SCIN: variants seen among roughly 807,000 people sequenced by gnomAD.
The protein encoded by SCIN is adseverin.
In SCIN, 91 loss-of-function variants were observed where a neutral mutation model predicts 91.8. That is an observed-to-expected ratio of 0.99 (90% CI 0.84 to 1.18). The LOEUF is 1.18. Among genes scored for constraint, SCIN ranks in the 50% most tolerant of loss-of-function variants. The pLI is 0.00. For missense variants in SCIN, 1,087 were observed against 863.9 expected (o/e 1.26, Z -3.24); for synonymous variants, 367 against 312.6 (o/e 1.17, Z -1.84).
chr7:12,572,271 C>A (rs1782286663), intron 1 of SCIN, among the ~76,000 whole-genome samples: 4 of 152,186 alleles, frequency 2.6e-5, no homozygotes, highest in African/African-American at 7.2e-5. Flanking sequence ...GAAGGCTCAG[C>A]CTGAGTTCTG....
intron 8 of SCIN, among the ~76,000 whole-genome samples, chr7:12,628,845 C>T (rs1024757259): frequency 6.6e-6 from 1 of 151,988 alleles, no homozygotes; most frequent in Non-Finnish European, 1.5e-5. Flanking sequence ...GTAGATGAAA[C>T]AATAAGTATT....
Position 12,655,439 on chromosome 7 carries a change from A to G in SCIN, c.*2724A>G, listed in dbSNP as rs1462969955. On this transcript the variant is annotated 3_prime_UTR_variant, in exon 16 of 16. Transcript: ENST00000297029. ...TCAATGAGTCAACAACCCAATGGAA[A>G]AATGGCCAAAAGACATGAATAGAAG... 2 of 152,212 alleles carry G rather than the reference A, an allele frequency of 1.3e-5. No individual in the cohort carries two copies. The highest frequency in any genetic ancestry group is 2.9e-5 in the Non-Finnish European group (2 of 68,026). 9.4% of individuals were successfully genotyped at this position (152,212 alleles called of 1,614,324 possible). A position where few individuals can be genotyped will look rare whatever the true frequency, so the allele number is the denominator to read the frequency against.
At position 12,640,394 on chromosome 7, in the gene SCIN, C is replaced by A. The variant is rs761481323; in HGVS notation, c.1458C>A (p.Phe486Leu). ...GKEPVHLLSL[F>L]KDKPLIIYKN... ...AGCCTGTTCACCTACTGAGTTTGTTCAAAGACAAACCGCTCATTATTTACA... is the reference window on the plus strand; with the variant it reads ...AGCCTGTTCACCTACTGAGTTTGTTAAAAGACAAACCGCTCATTATTTACA... Residue 486 changes from phenylalanine (F) to leucine (L), a missense_variant, in exon 11 of 16, where the codon TTC becomes TTA. Coordinates refer to ENST00000297029, the MANE Select transcript of SCIN (RefSeq NM_001112706.3). The A allele has an allele frequency of 1.2e-6, 2 of 1,612,956 alleles. No individual in the cohort carries two copies. Among genetic ancestry groups the A allele is most frequent in the South Asian group, 2.2e-5 (2 of 90,898 alleles).
chr7:12,598,195 G>A (rs904065961), intron 3 of SCIN, among the ~76,000 whole-genome samples: 1 of 152,064 alleles, frequency 6.6e-6, no homozygotes, highest in African/African-American at 2.4e-5. Context: ...GTAGTAATAG[G>A]TATTTACCTA....
intron 9 of SCIN, among the ~76,000 whole-genome samples, chr7:12,635,078 G>A (rs1449956898): frequency 1.3e-5 from 2 of 151,958 alleles, no homozygotes; most frequent in Admixed American, 6.6e-5. Flanking sequence ...GCTGAGGCAG[G>A]AGAATTGCTT....
At chr7:12,615,563 G>A (rs1783282025) in intron 4 of SCIN, among the ~76,000 whole-genome samples, 1 of 152,084 alleles carries the variant, frequency 6.6e-6, no homozygotes, top group South Asian at 2.1e-4. Context: ...TAATTACCCA[G>A]TATCAGGTAT....
At chr7:12,582,489 T>C (rs1394192190) in intron 3 of SCIN, among the ~76,000 whole-genome samples, 1 of 152,172 alleles carries the variant, frequency 6.6e-6, no homozygotes, top group Admixed American at 6.6e-5. Flanking sequence ...TTATACATAA[T>C]CCAACTGTCT....
At position 12,651,723 on chromosome 7, in the gene SCIN, C is replaced by T. The variant is rs1190535948; in HGVS notation, c.1960-118C>T. ...TGGGCCACCACCTCCACGTCCCTAA[C>T]TTCTGCGGATATTGTGAAGATTGAA... On this transcript the variant is annotated intron_variant, in intron 14 of 15. Transcript: ENST00000297029. This position sits in a 1 kb window ranked among gnomAD's most constrained non-coding sequence, Gnocchi z 5.9. 3.0e-6 allele frequency: 2 copies of T among 664,126 alleles called. No individual in the cohort carries two copies. Among genetic ancestry groups the T allele is most frequent in the Non-Finnish European group, 5.2e-6 (2 of 382,220 alleles). The allele number at this position is 664,126 out of a possible 1,614,324, so 41.1% of individuals were successfully genotyped here. A position where few individuals can be genotyped will look rare whatever the true frequency, so the allele number is the denominator to read the frequency against.
chr7:12,593,341 C>G (rs368112237), intron 3 of SCIN, among the ~76,000 whole-genome samples: 1 of 152,086 alleles, frequency 6.6e-6, no homozygotes, highest in African/African-American at 2.4e-5. Flanking sequence ...ACTTTGAAAG[C>G]CAGGTTAAGG....
chr7:12,613,801 G>C (rs1002172382), intron 4 of SCIN, among the ~76,000 whole-genome samples: 2 of 152,066 alleles, frequency 1.3e-5, no homozygotes, highest in Non-Finnish European at 2.9e-5. Flanking sequence ...GGAAAGGATG[G>C]TTTCTTCATG....
At position 12,590,468 on chromosome 7, in the gene SCIN, C is replaced by T. The variant is rs1347238373; in HGVS notation, c.516+9247C>T. On this transcript the variant is annotated intron_variant, in intron 3 of 15. Transcript: ENST00000297029. ...GGGTGAAGGAGTAGGTATGGGGGCG[C>T]ACACTGATATGGAAGGATTGGTGAA... Among the ~76,000 whole-genome samples, 12 of 152,172 alleles carry T rather than the reference C, an allele frequency of 7.9e-5. No individual in the cohort carries two copies. The East Asian group carries it at 2.3e-3, about 29-fold the overall frequency.
chr7:12,592,389 A>G (rs376610523), intron 3 of SCIN, among the ~76,000 whole-genome samples: 1 of 152,150 alleles, frequency 6.6e-6, no homozygotes, highest in South Asian at 2.1e-4. Context: ...AGAAGACTGC[A>G]TGAGCAGAGC....
intron 3 of SCIN, among the ~76,000 whole-genome samples, chr7:12,583,136 A>G (rs1336017664): frequency 6.6e-6 from 1 of 152,158 alleles, no homozygotes; most frequent in African/African-American, 2.4e-5. Context: ...CTTGTTATAT[A>G]TAATGTAATT....
At chr7:12,613,862 G>T (rs574960911) in intron 4 of SCIN, among the ~76,000 whole-genome samples, 66 of 152,228 alleles carry the variant, frequency 4.3e-4, no homozygotes, top group African/African-American at 1.4e-3. Flanking sequence ...CTCAGTGTTA[G>T]ATATCCCATA....
rs1329287687 is a variant in SCIN, at chr7:12,625,007, T to C, written c.760-3T>C. ...AACATGGAGGTCATGGTTTTTATATTAGGTTTCAGATGCAAGTGGCTCCAT... is the reference window on the plus strand; with the variant it reads ...AACATGGAGGTCATGGTTTTTATATCAGGTTTCAGATGCAAGTGGCTCCAT... On this transcript the variant is annotated splice_polypyrimidine_tract_variant and splice_region_variant and intron_variant, in intron 5 of 15. Coordinates refer to ENST00000297029, the MANE Select transcript of SCIN (RefSeq NM_001112706.3). 4 of 1,552,878 alleles carry C rather than the reference T, an allele frequency of 2.6e-6. No homozygotes were observed. Among genetic ancestry groups the C allele is most frequent in the Non-Finnish European group, 3.5e-6 (4 of 1,147,618 alleles).
At chr7:12,635,642 A>AAAAAAAG (rs1783735033) in intron 9 of SCIN, among the ~76,000 whole-genome samples, 2 of 142,024 alleles carry the variant, frequency 1.4e-5, no homozygotes, top group East Asian at 2.0e-4. Context: ...AAAAAAAAAA[A>AAAAAAAG]GGCAAGAAAG....
chr7:12,604,273 A>G (rs1211575304), intron 3 of SCIN, among the ~76,000 whole-genome samples: 2 of 152,172 alleles, frequency 1.3e-5, no homozygotes, highest in Non-Finnish European at 2.9e-5. Flanking sequence ...TGTAATTTAT[A>G]GATTATATAC....
intron 3 of SCIN, among the ~76,000 whole-genome samples, chr7:12,590,813 G>T (rs1483101195): frequency 6.6e-6 from 1 of 152,180 alleles, no homozygotes; most frequent in Non-Finnish European, 1.5e-5. Flanking sequence ...GGCCATTAGT[G>T]ATAGGGGTTC....
In SCIN at chr7:12,632,109, A is replaced by G. The variant is rs1438395732; in HGVS notation, c.1319+2887A>G. 2.8e-5 allele frequency among the ~76,000 whole-genome samples: 4 copies of G among 141,920 alleles called. No individual in the cohort carries two copies. In the East Asian group the frequency reaches 8.1e-4, roughly 29 times the overall value. 93.1% of individuals were successfully genotyped at this position (141,920 alleles called of 152,430 possible). On this transcript the variant is annotated intron_variant, in intron 9 of 15. Transcript: ENST00000297029. ...ATTTTATTTTATTTTATTTTATTTTATTTTATTTTATTTTATTTTATTTTA... is the reference window on the plus strand; with the variant it reads ...ATTTTATTTTATTTTATTTTATTTTGTTTTATTTTATTTTATTTTATTTTA...
Sources: gnomAD v4.1 joint callset for allele counts (sites outside exome capture counted in the v4.1 genomes callset) on GRCh38, gnomAD v4.1.1 for gene constraint, Gnocchi (gnomAD v3.1) non-coding constraint, MANE v1.5 for transcripts, NCBI Gene and HGNC (gene_info 2026-07-23, HGNC 2026-07-21) for gene names.